Variants in GCFC2 observed in about 807,000 individuals in gnomAD.
GCFC2 encodes intron Large complex component GCFC2.
In GCFC2, 102 loss-of-function variants were observed where a neutral mutation model predicts 99.4. The observed-to-expected ratio is 1.03, with a 90% CI of 0.87 to 1.21. The LOEUF is 1.21. Ranked by LOEUF, GCFC2 falls within the 50% of genes most tolerant of loss-of-function variation. The pLI is 0.00. For missense variants in GCFC2, 973 were observed against 920.9 expected (o/e 1.06, Z -0.73); for synonymous variants, 338 against 316.8 (o/e 1.07, Z -0.71).
At position 75,664,753 on chromosome 2, in the gene GCFC2, C is replaced by A; in HGVS notation, c.2259G>T (p.Leu753Phe). 6.4e-7 allele frequency: 1 copy of A among 1,556,012 alleles called. No homozygotes were observed. Among genetic ancestry groups the A allele is most frequent in the Non-Finnish European group, 8.9e-7 (1 of 1,129,464 alleles). Residue 753 changes from leucine (L) to phenylalanine (F), a missense_variant, in exon 17 of 17, where the codon TTG becomes TTT. Leu to Phe is a conservative substitution (Grantham distance 22, BLOSUM62 0). Coordinates refer to ENST00000321027, the MANE Select transcript of GCFC2 (RefSeq NM_003203.5). ...RDEVEEIILI[L>F]VKIKALNQAE... ...CTTGATTCAAAGCTTTTATTTTCACCAAAATAAGAATTATTTCTTCGACTT... is the reference window on the plus strand; with the variant it reads ...CTTGATTCAAAGCTTTTATTTTCACAAAAATAAGAATTATTTCTTCGACTT...
chr2:75,679,308 C>G (rs914946435), intron 12 of GCFC2, among the ~76,000 whole-genome samples: 5 of 152,120 alleles, frequency 3.3e-5, no homozygotes, highest in Non-Finnish European at 7.4e-5. Flanking sequence ...CCTTGCTTTT[C>G]AACCACCTCT....
At chr2:75,683,379 C>T (rs1259752456) in intron 11 of GCFC2, among the ~76,000 whole-genome samples, 1 of 151,788 alleles carries the variant, frequency 6.6e-6, no homozygotes, top group Admixed American at 6.6e-5. Flanking sequence ...AAATCCTTTA[C>T]AGACAAGCAA....
intron 10 of GCFC2, 58 bp downstream of exon 10, chr2:75,688,968 A>G: frequency 1.1e-6 from 1 of 932,502 alleles, no homozygotes; most frequent in East Asian, 2.5e-5. Flanking sequence ...CACAATAGTA[A>G]GGGAATTTAA....
upstream of GCFC2, among the ~76,000 whole-genome samples, chr2:75,711,643 T>C (rs1050935127): frequency 4.6e-5 from 7 of 152,210 alleles, no homozygotes; most frequent in Non-Finnish European, 8.8e-5. Flanking sequence ...CGGGTGGGCA[T>C]GGGCTTGGCG....
chr2:75,682,651 C>T (rs1315262366), intron 11 of GCFC2, among the ~76,000 whole-genome samples: 1 of 151,546 alleles, frequency 6.6e-6, no homozygotes, highest in Non-Finnish European at 1.5e-5. Context: ...CTCCTCTGAG[C>T]TAAAGGAGCA....
At position 75,710,621 on chromosome 2, in the gene GCFC2, T is replaced by G. The variant is rs1558759065; in HGVS notation, c.235A>C (p.Lys79Gln). The change falls in exon 1 of 17, where the codon AAA becomes CAA. Residue 79 changes from lysine (K) to glutamine (Q), a missense_variant. Coordinates refer to ENST00000321027, the MANE Select transcript of GCFC2 (RefSeq NM_003203.5). ...RVWASSRRAT[K>Q]AAPRADEGSE... ...CCTTCGTCCGCGCGGGGAGCCGCTT[T>G]GGTGGCACGCCGGGAGCTCGCCCAG... 8 of 1,515,044 alleles carry G rather than the reference T, an allele frequency of 5.3e-6. No individual in the cohort carries two copies. The highest frequency in any genetic ancestry group is 7.0e-6 in the Non-Finnish European group (8 of 1,138,528). 93.9% of individuals were successfully genotyped at this position (1,515,044 alleles called of 1,614,324 possible).
intron 13 of GCFC2, among the ~76,000 whole-genome samples, chr2:75,672,650 T>C (rs1001978694): frequency 5.9e-5 from 9 of 152,168 alleles, no homozygotes; most frequent in African/African-American, 2.2e-4. Context: ...TAATTTAAAG[T>C]GACTGCAGAA....
intron 15 of GCFC2, among the ~76,000 whole-genome samples, chr2:75,668,506 A>C (rs1456552508): frequency 3.3e-5 from 5 of 152,068 alleles, no homozygotes; most frequent in African/African-American, 1.2e-4. Context: ...AAGCAGATGG[A>C]CCCTATTCTA....
At chr2:75,674,307 TA>T (rs1222639812) in intron 12 of GCFC2, among the ~76,000 whole-genome samples, 1 of 152,150 alleles carries the variant, frequency 6.6e-6, no homozygotes, top group Admixed American at 6.5e-5. Flanking sequence ...TGTTTGTACA[TA>T]AAAAAATTGG....
rs150034336 is a variant in GCFC2 at position 75,696,043 on chromosome 2, T to C, written c.833+157A>G. Among the ~76,000 whole-genome samples the C allele has an allele frequency of 1.3e-4, 20 of 152,264 alleles. No homozygotes were observed. The East Asian group carries it at 3.3e-3, about 25-fold the overall frequency. On this transcript the variant is annotated intron_variant, in intron 5 of 16. Transcript: ENST00000321027. ...TGGGGGGGACTAGTGTATACAAAAA[T>C]GAAATAAATTGTGTTAGTATGATAA...
intron 10 of GCFC2, among the ~76,000 whole-genome samples, chr2:75,688,462 C>CT (rs965650813): frequency 9.9e-5 from 15 of 151,752 alleles, no homozygotes; most frequent in Admixed American, 4.6e-4. Flanking sequence ...GTTCATACTT[C>CT]TTTTTTTTTC....
Position 75,706,521 on chromosome 2 carries a change from A to G in GCFC2, c.394+2T>C. The stretch of plus-strand genomic sequence containing the variant: ...TTAACCAAAATCATACAAATTACTA[A>G]CCTGTTGATGAAAGTTCTTTTTCTC... On this transcript the variant is annotated splice_donor_variant, in intron 2 of 16. Transcript: ENST00000321027. LOFTEE classifies it high-confidence loss of function. 1.9e-6 allele frequency: 3 copies of G among 1,568,906 alleles called. No homozygotes were observed. The highest frequency in any genetic ancestry group is 2.6e-6 in the Non-Finnish European group (3 of 1,148,660).
chr2:75,703,008 T>G (rs1271483539), intron 2 of GCFC2, among the ~76,000 whole-genome samples: 1 of 152,162 alleles, frequency 6.6e-6, no homozygotes, highest in African/African-American at 2.4e-5. Context: ...CATGAGACAT[T>G]AAGAAGTGTA....
chr2:75,688,567 C>T (rs576098328), intron 10 of GCFC2, among the ~76,000 whole-genome samples: 2 of 152,158 alleles, frequency 1.3e-5, no homozygotes, highest in East Asian at 3.9e-4. Flanking sequence ...AATACTTCTC[C>T]CTTTACACCT....
chr2:75,673,287 G>A (rs560204472), intron 13 of GCFC2, among the ~76,000 whole-genome samples, 157 bp downstream of exon 13: 20 of 151,096 alleles, frequency 1.3e-4, no homozygotes, highest in African/African-American at 3.6e-4. Context: ...CAGCCTGGGC[G>A]ACAGAGTGAG....
In GCFC2 at chr2:75,692,072, G is replaced by T. The variant is rs1057110500; in HGVS notation, c.1049C>A (p.Ser350Tyr). The T allele has an allele frequency of 2.0e-6, 3 of 1,510,262 alleles. No individual in the cohort carries two copies. The highest frequency in any genetic ancestry group is 2.7e-6 in the Non-Finnish European group (3 of 1,115,924). 93.6% of individuals were successfully genotyped at this position (1,510,262 alleles called of 1,614,324 possible). ...KIINIQEIES[S>Y]MHALLLKQAM... Reference sequence around the variant, plus strand: ...TTGTTTTAAAAGGAGTGCATGCATGGATGATTCTATTTCTTGGATGTTGAT... The same window carrying T: ...TTGTTTTAAAAGGAGTGCATGCATGTATGATTCTATTTCTTGGATGTTGAT... The change falls in exon 7 of 17, where the codon TCC (serine) becomes TAC (tyrosine). Residue 350 changes from serine (S) to tyrosine (Y), a missense_variant. By Grantham distance (144) the Ser-to-Tyr change is moderately radical. Transcript: ENST00000321027.
intron 4 of GCFC2, 133 bp from the exon 5 acceptor site, chr2:75,696,448 T>C (rs1680330043): frequency 2.1e-6 from 1 of 487,068 alleles, no homozygotes; most frequent in East Asian, 3.3e-5. Context: ...TAATTTTTCA[T>C]GGTCCCAATA....
At chr2:75,700,922 G>T (rs114721824) in intron 4 of GCFC2, among the ~76,000 whole-genome samples, 118 of 152,332 alleles carry the variant, frequency 7.7e-4, no homozygotes, top group African/African-American at 2.6e-3. Flanking sequence ...AAAGCCACGT[G>T]AAGACAGAGG....
intron 3 of GCFC2, 187 bp from the exon 4 acceptor site, chr2:75,701,474 G>A: frequency 1.7e-6 from 1 of 583,418 alleles, no homozygotes; most frequent in Non-Finnish European, 3.0e-6. Context: ...CAAATATTGG[G>A]AGGTTAAGTA....
Sources: gnomAD v4.1 joint callset for allele counts (sites outside exome capture counted in the v4.1 genomes callset) on GRCh38, gnomAD v4.1.1 for gene constraint, MANE v1.5 for transcripts, NCBI Gene and HGNC (gene_info 2026-07-23, HGNC 2026-07-21) for gene names.